The following FA2H variants were observed in gnomAD, a reference collection of about 807,000 sequenced individuals.
FA2H encodes the protein fatty acid alpha-hydroxylase.
In FA2H, 22 loss-of-function variants were observed where a neutral mutation model predicts 44.9. The ratio of observed to expected loss-of-function variants is 0.49; its 90% CI spans 0.35 to 0.70. The LOEUF (loss-of-function observed/expected upper bound fraction) is 0.70, where lower values mean the gene tolerates loss of function less well. FA2H is among the 30% of genes least tolerant of loss of function. The pLI, the probability that FA2H is intolerant of heterozygous loss-of-function variation, is 0.01. For missense variants in FA2H, 501 were observed against 504.9 expected, an observed-to-expected ratio of 0.99 and a Z score of 0.07; for synonymous variants, 243 against 213.2, an observed-to-expected ratio of 1.14 and a Z score of -1.22.
At chr16:74,754,763 A>G (rs1962584953) in intron 1 of FA2H, among the ~76,000 whole-genome samples, 1 of 152,064 alleles carries the variant, frequency 6.6e-6, no homozygotes, top group African/African-American at 2.4e-5. Context: ...TCTGGGCTCA[A>G]GTGACCCTCC....
intron 2 of FA2H, among the ~76,000 whole-genome samples, chr16:74,730,660 G>A (rs1161537355): frequency 6.6e-6 from 1 of 152,154 alleles, no homozygotes; most frequent in Admixed American, 6.5e-5. Context: ...AGTCTGCAGA[G>A]CCCCACCTTA....
At chr16:74,749,510 A>G (rs575699420) in intron 1 of FA2H, among the ~76,000 whole-genome samples, 1 of 152,324 alleles carries the variant, frequency 6.6e-6, no homozygotes, top group East Asian at 1.9e-4. Context: ...AGGTGTGTGG[A>G]GAACAAAAAG....
At chr16:74,756,063 C>T (rs558974511) in intron 1 of FA2H, among the ~76,000 whole-genome samples, 50 of 152,276 alleles carry the variant, frequency 3.3e-4, no homozygotes, top group Non-Finnish European at 6.2e-4. Flanking sequence ...CCAGTTCCCT[C>T]GGCCAGAGGG....
intron 1 of FA2H, among the ~76,000 whole-genome samples, chr16:74,769,421 A>G (rs1962865233): frequency 1.3e-5 from 2 of 152,174 alleles, no homozygotes; most frequent in Admixed American, 6.5e-5. Context: ...AGTGCACGTA[A>G]AAGCTTTGAT....
At position 74,730,783 on chromosome 16, in the gene FA2H, A is replaced by C. The variant is rs1282305014; in HGVS notation, c.364-3397T>G. Reference sequence around the variant, plus strand: ...TTATGTGTCAAGCATGGTTCTAAACACCTGACACAGGTTCAGTCACTTGAT... The same window carrying C: ...TTATGTGTCAAGCATGGTTCTAAACCCCTGACACAGGTTCAGTCACTTGAT... On this transcript the variant is annotated intron_variant, in intron 2 of 6. Coordinates refer to ENST00000219368, the MANE Select transcript of FA2H (RefSeq NM_024306.5). Among the ~76,000 whole-genome samples the C allele has an allele frequency of 2.0e-5, 3 of 152,244 alleles. No individual in the cohort carries two copies. In the East Asian group the frequency reaches 5.8e-4, roughly 29 times the overall value.
intron 2 of FA2H, among the ~76,000 whole-genome samples, chr16:74,736,988 A>G (rs558898845): frequency 6.6e-6 from 1 of 152,312 alleles, no homozygotes; most frequent in South Asian, 2.1e-4. Context: ...ATTAAAGCAG[A>G]TAACCAATAA....
rs114404698 is a variant in FA2H at position 74,752,058 on chromosome 16, C to T, written c.271-11943G>A. 5.1e-3 allele frequency among the ~76,000 whole-genome samples: 783 copies of T among 152,308 alleles called. 8 individuals are homozygous for T. The highest frequency in any genetic ancestry group is 0.018 in the African/African-American group (733 of 41,554). On this transcript the variant is annotated intron_variant, in intron 1 of 6. Transcript: ENST00000219368. ...GGTGTCATCCTCAACTTCTTCCTTT[C>T]CCTCGCTGCTGACATCCAATGCATC...
At chr16:74,766,881 T>C (rs1037437272) in intron 1 of FA2H, among the ~76,000 whole-genome samples, 32 of 152,178 alleles carry the variant, frequency 2.1e-4, no homozygotes, top group Middle Eastern at 6.8e-3. Context: ...AACTATCCTA[T>C]GGGGATAGAG....
intron 2 of FA2H, among the ~76,000 whole-genome samples, chr16:74,729,487 TG>T (rs1264693390): frequency 2.6e-5 from 4 of 152,224 alleles, no homozygotes; most frequent in Admixed American, 2.6e-4. Context: ...ATGCACAGAC[TG>T]TGAGAGTACA....
At chr16:74,740,874 T>A (rs905950757) in intron 1 of FA2H, among the ~76,000 whole-genome samples, 1 of 151,968 alleles carries the variant, frequency 6.6e-6, no homozygotes, top group Non-Finnish European at 1.5e-5. Context: ...AGGGCCACAC[T>A]GATGAGTCAC....
Position 74,716,576 on chromosome 16 carries a change from C to G in FA2H, c.810G>C (p.Leu270=). ...GGGAGGCTGGCACAGGGGGGAAGAC[C>G]AGGCGGGAGCCGTCGAAGGGTGCCT... ...HHKAPFDGSR[L]VFPPVPASLV... is the part of the protein sequence containing the mutation. The change falls in exon 6 of 7, where the codon CTG becomes CTC. Residue 270 remains leucine (L), a synonymous_variant. Transcript: ENST00000219368. 1 of 1,584,796 alleles carries G rather than the reference C, an allele frequency of 6.3e-7. No homozygotes were observed. Among genetic ancestry groups the G allele is most frequent in the Non-Finnish European group, 8.6e-7 (1 of 1,166,038 alleles).
chr16:74,761,376 C>G (rs747141579), intron 1 of FA2H, among the ~76,000 whole-genome samples: 19 of 151,536 alleles, frequency 1.3e-4, no homozygotes, highest in Non-Finnish European at 1.6e-4. Context: ...TCGCTTGGAT[C>G]AGGGAGGCAG....
intron 2 of FA2H, among the ~76,000 whole-genome samples, chr16:74,733,593 C>T (rs1962121191): frequency 6.6e-6 from 1 of 152,186 alleles, no homozygotes; most frequent in Non-Finnish European, 1.5e-5. Flanking sequence ...AGGAGAAAGG[C>T]TCAGCTGGGT....
intron 1 of FA2H, among the ~76,000 whole-genome samples, chr16:74,744,655 T>C (rs1419874194): frequency 1.5e-4 from 23 of 152,106 alleles, no homozygotes; most frequent in Admixed American, 1.5e-3. Context: ...TCTTGATCTA[T>C]TGCTCAGGCT....
intron 1 of FA2H, among the ~76,000 whole-genome samples, chr16:74,745,663 A>G (rs1238334781): frequency 6.6e-6 from 1 of 152,190 alleles, no homozygotes; most frequent in East Asian, 1.9e-4. Context: ...AAGGCCACAC[A>G]GGAGAGAAGC....
At chr16:74,745,247 G>A (rs1962396725) in intron 1 of FA2H, among the ~76,000 whole-genome samples, 1 of 152,208 alleles carries the variant, frequency 6.6e-6, no homozygotes, top group African/African-American at 2.4e-5. Context: ...CCTGTTGATT[G>A]TATTCCAAGC....
intron 1 of FA2H, among the ~76,000 whole-genome samples, chr16:74,744,041 G>T (rs1962366448): frequency 6.6e-6 from 1 of 152,156 alleles, no homozygotes; most frequent in Non-Finnish European, 1.5e-5. Context: ...TCTGAAGAAG[G>T]TCTCCCATTC....
intron 1 of FA2H, among the ~76,000 whole-genome samples, chr16:74,756,103 C>T (rs911881564): frequency 6.6e-6 from 1 of 152,222 alleles, no homozygotes; most frequent in African/African-American, 2.4e-5. Context: ...AAGTGGCTTT[C>T]CAGTAGAGGT....
intron 2 of FA2H, among the ~76,000 whole-genome samples, chr16:74,731,871 G>C (rs954678167): frequency 6.6e-6 from 1 of 151,644 alleles, no homozygotes; most frequent in Non-Finnish European, 1.5e-5. Flanking sequence ...TGAATCCCCT[G>C]GTCCTTTCTT....
Sources: gnomAD v4.1 joint callset for allele counts (sites outside exome capture counted in the v4.1 genomes callset) on GRCh38, gnomAD v4.1.1 for gene constraint, MANE v1.5 for transcripts, NCBI Gene and HGNC (gene_info 2026-07-23, HGNC 2026-07-21) for gene names.